Variants in MTOR observed in about 807,000 individuals in gnomAD.
MTOR encodes the protein serine/threonine-protein kinase mTOR.
Under a neutral mutation model 319.8 loss-of-function variants are expected in MTOR, and 70 were observed. The ratio of observed to expected loss-of-function variants is 0.22; its 90% CI spans 0.18 to 0.27. The LOEUF is 0.27. MTOR is among the 10% of genes least tolerant of loss of function. MTOR has a pLI of 1.00. For synonymous variants in MTOR, 1,183 were observed against 1,211.4 expected, an observed-to-expected ratio of 0.98 and a Z score of 0.49; for missense variants, 1,890 against 3,274.4, an observed-to-expected ratio of 0.58 and a Z score of 10.32.
chr1:11,194,714 CT>C (rs887750725), intron 28 of MTOR: 13 of 1,610,182 alleles, frequency 8.1e-6, no homozygotes, highest in Non-Finnish European at 1.1e-5. Flanking sequence ...CATAATCCCA[CT>C]TGAGGAGAAA....
intron 3 of MTOR, among the ~76,000 whole-genome samples, chr1:11,257,927 T>C (rs901575719): frequency 3.9e-5 from 6 of 151,916 alleles, no homozygotes; most frequent in African/African-American, 1.5e-4. Context: ...CTGGCCAACA[T>C]GGTGAAACCC....
rs751185582 is a variant in MTOR, at chr1:11,209,293, C to T, written c.3801+19G>A. On this transcript the variant is annotated intron_variant, in intron 25 of 57. Coordinates refer to ENST00000361445, the MANE Select transcript of MTOR (RefSeq NM_004958.4). ...GAGCAGAGCTCTCCTTTCCCAGTCA[C>T]CTGAAACAATGGACTTGCCTTTTGG... The T allele has an allele frequency of 1.9e-6, 3 of 1,614,078 alleles. No homozygotes were observed. Among genetic ancestry groups the T allele is most frequent in the Non-Finnish European group, 2.5e-6 (3 of 1,179,952 alleles).
At chr1:11,224,762 A>T (rs1646776758) in intron 19 of MTOR, among the ~76,000 whole-genome samples, 1 of 152,350 alleles carries the variant, frequency 6.6e-6, no homozygotes, top group African/African-American at 2.4e-5. Context: ...AAAACCCTTT[A>T]AGTTTACAAA....
intron 30 of MTOR, among the ~76,000 whole-genome samples, chr1:11,156,811 C>G (rs1261890104): frequency 1.3e-5 from 2 of 152,106 alleles, no homozygotes; most frequent in Non-Finnish European, 2.9e-5. Flanking sequence ...TCTGCAAGAG[C>G]TAATTTTAAA....
chr1:11,163,497 A>G (rs1398173388), intron 29 of MTOR, among the ~76,000 whole-genome samples: 2 of 152,202 alleles, frequency 1.3e-5, no homozygotes, highest in Admixed American at 1.3e-4. Context: ...TCAGCACCAC[A>G]TCGCACTTAT....
At chr1:11,193,735 G>A in intron 28 of MTOR, 2 of 1,614,128 alleles carry the variant, frequency 1.2e-6, no homozygotes, top group Non-Finnish European at 8.5e-7. Context: ...ACATCCACCG[G>A]CTCTCCAGAC....
intron 30 of MTOR, among the ~76,000 whole-genome samples, chr1:11,156,111 C>A (rs554096614): frequency 3.9e-5 from 6 of 152,330 alleles, no homozygotes; most frequent in Non-Finnish European, 7.4e-5. Flanking sequence ...CTGCCTCAGC[C>A]TCCCGAGTAG....
rs549070775 is a variant in MTOR at position 11,181,017 on chromosome 1, T to C, written c.4254-13500A>G. ...GTCTTGATATCTTGACTTTGTAATC[T>C]GCCCGTCTTGGCCTCCCAAAGTGCT... On this transcript the variant is annotated intron_variant, in intron 28 of 57. Coordinates refer to ENST00000361445, the MANE Select transcript of MTOR (RefSeq NM_004958.4). 1.5e-3 allele frequency among the ~76,000 whole-genome samples: 221 copies of C among 152,248 alleles called. 2 individuals are homozygous for C. Among genetic ancestry groups the C allele is most frequent in the African/African-American group, 5.2e-3 (217 of 41,564 alleles).
At chr1:11,161,540 G>C (rs1644477639) in intron 29 of MTOR, among the ~76,000 whole-genome samples, 1 of 152,140 alleles carries the variant, frequency 6.6e-6, no homozygotes, top group Non-Finnish European at 1.5e-5. Context: ...CTCCCAGTAG[G>C]GGCCGACTGA....
At chr1:11,190,031 C>A in intron 28 of MTOR, 1 of 1,511,564 alleles carries the variant, frequency 6.6e-7, no homozygotes, top group Non-Finnish European at 8.9e-7. Flanking sequence ...TCCTGGTCAT[C>A]AGAACCACTA....
intron 16 of MTOR, among the ~76,000 whole-genome samples, chr1:11,232,126 C>T (rs1452729010): frequency 6.6e-6 from 1 of 152,192 alleles, no homozygotes; most frequent in African/African-American, 2.4e-5. Context: ...CCTTCATAGG[C>T]AGTGGCCAAG....
chr1:11,165,182 T>C (rs935434465), intron 29 of MTOR, among the ~76,000 whole-genome samples: 3 of 152,182 alleles, frequency 2.0e-5, no homozygotes, highest in Non-Finnish European at 4.4e-5. Flanking sequence ...CTTTGAAAAC[T>C]GGCACAAGAC....
intron 20 of MTOR, 53 bp from the exon 21 acceptor site, chr1:11,213,619 T>G: frequency 6.4e-7 from 1 of 1,569,204 alleles, no homozygotes; most frequent in Non-Finnish European, 8.7e-7. Context: ...TCTGATGATA[T>G]ATGAACAAAG....
chr1:11,233,148 A>T (rs1260004843), intron 15 of MTOR: 37 of 1,033,158 alleles, frequency 3.6e-5, no homozygotes, highest in Non-Finnish European at 4.6e-5. Context: ...ACACACATTT[A>T]TGCTGTCTGA....
intron 23 of MTOR, among the ~76,000 whole-genome samples, 180 bp from the exon 24 acceptor site, chr1:11,211,086 A>C (rs1015098726): frequency 2.0e-5 from 3 of 152,176 alleles, no homozygotes; most frequent in Non-Finnish European, 4.4e-5. Context: ...AGTCCCCATC[A>C]TCTGGTTTAT....
chr1:11,186,383 A>G, intron 28 of MTOR, among the ~76,000 whole-genome samples: 1 of 152,178 alleles, frequency 6.6e-6, no homozygotes, highest in Non-Finnish European at 1.5e-5. Context: ...TGCCAGCCCA[A>G]GGCAGTGCGG....
At chr1:11,248,195 C>T (rs557933601) in intron 6 of MTOR, 101 bp from the exon 7 acceptor site, 9 of 1,242,420 alleles carry the variant, frequency 7.2e-6, no homozygotes, top group African/African-American at 6.0e-5. Flanking sequence ...AATCCCGAAA[C>T]GCAACTACTT....
At chr1:11,184,783 T>C (rs1344141632) in intron 28 of MTOR, among the ~76,000 whole-genome samples, 1 of 152,188 alleles carries the variant, frequency 6.6e-6, no homozygotes, top group Admixed American at 6.6e-5. Flanking sequence ...CCAAGGCCAC[T>C]TTCCTGGTGG....
At chr1:11,162,049 G>A (rs1012419869) in intron 29 of MTOR, among the ~76,000 whole-genome samples, 5 of 152,096 alleles carry the variant, frequency 3.3e-5, no homozygotes, top group South Asian at 2.1e-4. Flanking sequence ...AAGATGAGAC[G>A]AATGGCTAAC....
Sources: gnomAD v4.1 joint callset for allele counts (sites outside exome capture counted in the v4.1 genomes callset) on GRCh38, gnomAD v4.1.1 for gene constraint, MANE v1.5 for transcripts, NCBI Gene and HGNC (gene_info 2026-07-23, HGNC 2026-07-21) for gene names.